The following C12orf42 variants were observed in gnomAD, a reference collection of about 807,000 sequenced individuals.
The protein encoded by C12orf42 is chromosome 12 open reading frame 42.
In C12orf42, 25 loss-of-function variants were observed where a neutral mutation model predicts 21.6. The observed-to-expected ratio is 1.16, with a 90% CI of 0.84 to 1.62. The LOEUF (loss-of-function observed/expected upper bound fraction) is 1.62. Ranked by LOEUF, C12orf42 falls within the 40% of genes most tolerant of loss-of-function variation. C12orf42 has a pLI of 0.00. For synonymous variants in C12orf42, 174 were observed against 175.0 expected (o/e 0.99, Z 0.05); for missense variants, 483 against 459.3 (o/e 1.05, Z -0.47).
At chr12:103,408,459 T>A (rs1165860559) in intron 2 of C12orf42, among the ~76,000 whole-genome samples, 1 of 152,134 alleles carries the variant, frequency 6.6e-6, no homozygotes, top group Non-Finnish European at 1.5e-5. Context: ...AGCTCCTAAT[T>A]CTAATCTTCT....
the C12orf42 span, among the ~76,000 whole-genome samples, chr12:103,140,108 C>G: frequency 6.6e-6 from 1 of 152,206 alleles, no homozygotes; most frequent in Non-Finnish European, 1.5e-5. Flanking sequence ...AAACAGTGGC[C>G]TCTTCCTGGT....
At chr12:103,172,970 T>C in the C12orf42 span, among the ~76,000 whole-genome samples, 1 of 152,256 alleles carries the variant, frequency 6.6e-6, no homozygotes, top group Non-Finnish European at 1.5e-5. Flanking sequence ...ATGACAAAGC[T>C]TCTCCCAAAC....
At chr12:103,088,920 A>G in the C12orf42 span, among the ~76,000 whole-genome samples, 3 of 151,872 alleles carry the variant, frequency 2.0e-5, no homozygotes, top group Non-Finnish European at 4.4e-5. Context: ...TGGCTAACAC[A>G]GTGAAACCCC....
intron 10 of C12orf42, among the ~76,000 whole-genome samples, chr12:103,239,828 G>A (rs1347229273): frequency 3.9e-5 from 6 of 152,142 alleles, no homozygotes; most frequent in Admixed American, 2.6e-4. Context: ...AGATGGTGAC[G>A]GCTTTATTAT....
At chr12:103,488,582 G>A (rs931250758) in intron 1 of C12orf42, among the ~76,000 whole-genome samples, 9 of 152,106 alleles carry the variant, frequency 5.9e-5, no homozygotes, top group East Asian at 1.9e-4. Flanking sequence ...TTACTTTCAC[G>A]TACACCAATC....
rs534837312 is a variant in C12orf42, at chr12:103,359,893, C to A, written c.259+8994G>T. ...TGAATGACTTAATGAATATGTAAGC[C>A]CTTCCCCAACTTGACCTTCTCCCTG... On this transcript the variant is annotated intron_variant, in intron 4 of 5. Transcript: ENST00000548883. Among the ~76,000 whole-genome samples the A allele has an allele frequency of 6.7e-4, 102 of 151,640 alleles. 3 individuals are homozygous for A. The highest frequency in any genetic ancestry group is 7.4e-5 in the Non-Finnish European group (5 of 67,866).
chr12:103,461,877 A>G (rs1952727152), intron 2 of C12orf42, among the ~76,000 whole-genome samples: 1 of 152,094 alleles, frequency 6.6e-6, no homozygotes, highest in South Asian at 2.1e-4. Flanking sequence ...AAGAAGAAAA[A>G]TATTTAGAAA....
At chr12:103,476,119 T>A (rs892163145) in intron 2 of C12orf42, among the ~76,000 whole-genome samples, 8 of 152,202 alleles carry the variant, frequency 5.3e-5, no homozygotes, top group Non-Finnish European at 1.2e-4. Context: ...GTGGCTAGGA[T>A]GTCAGAGCAT....
In C12orf42 at chr12:103,394,922, A is replaced by G. The variant is rs145805086; in HGVS notation, c.147+6685T>C. 2.4e-4 allele frequency among the ~76,000 whole-genome samples: 36 copies of G among 152,344 alleles called. No individual in the cohort carries two copies. The East Asian group carries it at 6.0e-3, about 25-fold the overall frequency. On this transcript the variant is annotated intron_variant, in intron 3 of 5. Coordinates refer to ENST00000548883, the MANE Select transcript of C12orf42 (RefSeq NM_198521.5). ...AGAAAAGCAAGGTCATTCCAGGAAC[A>G]GCAACTAAACACAGCAATAGAAAAG...
the C12orf42 span, among the ~76,000 whole-genome samples, chr12:103,158,481 C>T: frequency 6.6e-6 from 1 of 152,082 alleles, no homozygotes; most frequent in East Asian, 1.9e-4. Flanking sequence ...TGTTTTTAAC[C>T]TTATCTTCCT....
At chr12:103,326,401 TAAA>T (rs2040708481) in intron 4 of C12orf42, among the ~76,000 whole-genome samples, 1 of 152,218 alleles carries the variant, frequency 6.6e-6, no homozygotes, top group Admixed American at 6.5e-5. Flanking sequence ...TTTTAAAAGC[TAAA>T]TCAGATCCTG....
intron 2 of C12orf42, among the ~76,000 whole-genome samples, chr12:103,430,764 C>G (rs975147379): frequency 6.6e-6 from 1 of 152,136 alleles, no homozygotes; most frequent in African/African-American, 2.4e-5. Context: ...ACATATACAC[C>G]ATGGAATACT....
intron 4 of C12orf42, among the ~76,000 whole-genome samples, chr12:103,290,823 A>G (rs1244432859): frequency 6.6e-6 from 1 of 152,116 alleles, no homozygotes; most frequent in Non-Finnish European, 1.5e-5. Flanking sequence ...CACTTTAGAA[A>G]ACGTGTAGAA....
At chr12:103,474,163 A>G (rs1228347061) in intron 2 of C12orf42, among the ~76,000 whole-genome samples, 1 of 152,154 alleles carries the variant, frequency 6.6e-6, no homozygotes, top group Non-Finnish European at 1.5e-5. Context: ...ACCACCACCA[A>G]TAACACTTTC....
chr12:103,519,690 C>T, the C12orf42 span, among the ~76,000 whole-genome samples: 1 of 152,106 alleles, frequency 6.6e-6, no homozygotes, highest in African/African-American at 2.4e-5. Flanking sequence ...GGCTGCCTAT[C>T]CATGTCATTT....
At chr12:103,281,909 G>GAAAGAA (rs1313119181) in intron 4 of C12orf42, among the ~76,000 whole-genome samples, 5 of 116,034 alleles carry the variant, frequency 4.3e-5, no homozygotes, top group Non-Finnish European at 8.8e-5. Flanking sequence ...AAGAAAAGAA[G>GAAAGAA]AAAGAAAAAG....
chr12:103,315,888 T>C (rs1044065736), intron 4 of C12orf42, among the ~76,000 whole-genome samples: 4 of 151,984 alleles, frequency 2.6e-5, no homozygotes, highest in African/African-American at 7.2e-5. Context: ...AAATGATAAG[T>C]ATGTAAAATA....
intron 2 of C12orf42, among the ~76,000 whole-genome samples, chr12:103,462,587 C>G (rs1220781734): frequency 1.3e-5 from 2 of 152,056 alleles, no homozygotes; most frequent in Non-Finnish European, 2.9e-5. Flanking sequence ...TGTGCAAAGA[C>G]TAAATCTATA....
the C12orf42 span, among the ~76,000 whole-genome samples, chr12:103,539,781 A>G: frequency 6.6e-6 from 1 of 151,902 alleles, no homozygotes; most frequent in Non-Finnish European, 1.5e-5. Context: ...GGGTTTCACC[A>G]TGTTGGCCAG....
Sources: allele counts gnomAD v4.1 joint callset (sites outside exome capture counted in the v4.1 genomes callset), GRCh38; gene constraint gnomAD v4.1.1; transcripts MANE v1.5; gene names NCBI Gene and HGNC (gene_info 2026-07-23, HGNC 2026-07-21).